Variants in SHROOM3 observed in about 807,000 individuals in gnomAD.
SHROOM3 encodes the protein protein Shroom3.
SHROOM3 carries 47 observed loss-of-function variants against 138.6 expected under a neutral mutation model. That is an observed-to-expected ratio of 0.34 (90% CI 0.27 to 0.43). The LOEUF is 0.43. Ranked by LOEUF, SHROOM3 falls within the 20% of genes least tolerant of loss-of-function variation. The pLI, the probability that SHROOM3 is intolerant of heterozygous loss-of-function variation, is 1.00. For missense variants in SHROOM3, 2,491 were observed against 2,596.5 expected (o/e 0.96, Z 0.88); for synonymous variants, 1,062 against 1,063.3 (o/e 1.00, Z 0.02).
chr4:76,617,088 C>T (rs1352670292), intron 2 of SHROOM3, among the ~76,000 whole-genome samples: 1 of 152,186 alleles, frequency 6.6e-6, no homozygotes, highest in East Asian at 1.9e-4. Flanking sequence ...GCTAATGGTG[C>T]GGGTGAAGAG....
At chr4:76,460,988 C>T (rs1268416813) in intron 1 of SHROOM3, among the ~76,000 whole-genome samples, 2 of 150,360 alleles carry the variant, frequency 1.3e-5, no homozygotes, top group Admixed American at 6.7e-5. Flanking sequence ...GGAGTGAGAC[C>T]CTGTTTCGAA....
intron 2 of SHROOM3, among the ~76,000 whole-genome samples, chr4:76,646,185 G>A (rs1735810261): frequency 1.5e-5 from 2 of 135,444 alleles, no homozygotes; most frequent in Non-Finnish European, 1.6e-5. Flanking sequence ...AAACCTGCAT[G>A]TTGTGCACAT....
rs535259874 is a variant in SHROOM3 at position 76,482,181 on chromosome 4, AG to A, written c.168+45964del. 8.1e-4 allele frequency among the ~76,000 whole-genome samples: 124 copies of A among 152,304 alleles called. No homozygotes were observed. The Middle Eastern group carries it at 0.014, about 17-fold the overall frequency. On this transcript the variant is annotated intron_variant, in intron 1 of 10. Transcript: ENST00000296043. Reference sequence around the variant, plus strand: ...GCAATCAGGCAAGAGAAAGAAATAAAGGGTATTCAAATAAGAAGAGAGGAAG... The same window carrying A: ...GCAATCAGGCAAGAGAAAGAAATAAAGGTATTCAAATAAGAAGAGAGGAAG...
intron 2 of SHROOM3, among the ~76,000 whole-genome samples, chr4:76,651,078 G>A (rs1470207213): frequency 1.3e-5 from 2 of 148,788 alleles, no homozygotes; most frequent in East Asian, 2.1e-4. Context: ...TTTAAAAATC[G>A]AAACAATTGA....
intron 2 of SHROOM3, among the ~76,000 whole-genome samples, chr4:76,608,537 TA>T (rs1734671799): frequency 9.6e-5 from 2 of 20,736 alleles, no homozygotes; most frequent in East Asian, 1.9e-3. Flanking sequence ...TGGCATAGCA[TA>T]GCATAGCATA....
chr4:76,525,175 A>T (rs1732663434), intron 1 of SHROOM3, among the ~76,000 whole-genome samples: 1 of 152,148 alleles, frequency 6.6e-6, no homozygotes. Context: ...GGTTTAATTG[A>T]CTCACAGTTC....
chr4:76,577,148 A>G (rs1733955856), intron 2 of SHROOM3, among the ~76,000 whole-genome samples: 1 of 152,232 alleles, frequency 6.6e-6, no homozygotes, highest in East Asian at 1.9e-4. Context: ...CTAGCGTTCC[A>G]AAAGGGTAAT....
At position 76,739,294 on chromosome 4, in the gene SHROOM3, A is replaced by T; in HGVS notation, c.1121A>T (p.Asp374Val). Residue 374 changes from aspartate (D) to valine (V), a missense_variant, in exon 5 of 11, where the codon GAC becomes GTC. Asp to Val is a radical substitution (Grantham distance 152). Around this residue, in one of 4 missense-constraint regions of SHROOM3, gnomAD observed 1,733 missense variants for 1,661.6 expected, o/e 1.04. Coordinates refer to ENST00000296043, the MANE Select transcript of SHROOM3 (RefSeq NM_020859.4). ...QCPSSLETAT[D>V]NLPPKVGAPL... ...CCCAGTTCCTTGGAGACTGCCACGGACAACCTTCCTCCTAAGGTGGGTGCA... is the reference window on the plus strand; with the variant it reads ...CCCAGTTCCTTGGAGACTGCCACGGTCAACCTTCCTCCTAAGGTGGGTGCA... 6.2e-7 allele frequency: 1 copy of T among 1,614,030 alleles called. No homozygotes were observed. The highest frequency in any genetic ancestry group is 1.1e-5 in the South Asian group (1 of 91,076).
At chr4:76,775,490 T>C (rs921603121) in intron 10 of SHROOM3, among the ~76,000 whole-genome samples, 1 of 152,016 alleles carries the variant, frequency 6.6e-6, no homozygotes, top group African/African-American at 2.4e-5. Flanking sequence ...AGTATGGAGA[T>C]TCCTTAAAGA....
At chr4:76,665,936 A>T (rs929446810) in intron 2 of SHROOM3, among the ~76,000 whole-genome samples, 1 of 152,156 alleles carries the variant, frequency 6.6e-6, no homozygotes, top group Non-Finnish European at 1.5e-5. Flanking sequence ...GGTAAGTTCC[A>T]CTGCATCAGT....
Position 76,782,500 on chromosome 4 carries a change from C to A in SHROOM3, c.*3323C>A, listed in dbSNP as rs775811491. 1 of 152,194 alleles carries A rather than the reference C, an allele frequency of 6.6e-6. No individual in the cohort carries two copies. The highest frequency in any genetic ancestry group is 1.5e-5 in the Non-Finnish European group (1 of 68,042). The allele number at this position is 152,194 out of a possible 1,614,324, so 9.4% of individuals were successfully genotyped here. A position where few individuals can be genotyped will look rare whatever the true frequency, so the allele number is the denominator to read the frequency against. ...AAATGGTAAATATATGCTTTAAGCT[C>A]TACCTTTAAACTTGTATGTTATTCA... On this transcript the variant is annotated 3_prime_UTR_variant, in exon 11 of 11. Transcript: ENST00000296043.
chr4:76,684,493 A>G (rs1383253026), intron 2 of SHROOM3, among the ~76,000 whole-genome samples: 1 of 152,372 alleles, frequency 6.6e-6, no homozygotes, highest in East Asian at 1.9e-4. Context: ...CTGCTGTGCT[A>G]ACATACTTTG....
At chr4:76,471,113 A>G (rs1478653701) in intron 1 of SHROOM3, among the ~76,000 whole-genome samples, 1 of 152,170 alleles carries the variant, frequency 6.6e-6, no homozygotes, top group Admixed American at 6.5e-5. Flanking sequence ...ACCAAAAAAC[A>G]ACAGGTAAAT....
intron 2 of SHROOM3, 81 bp downstream of exon 2, chr4:76,555,844 A>G: frequency 6.6e-7 from 1 of 1,511,894 alleles, no homozygotes; most frequent in Non-Finnish European, 9.0e-7. Flanking sequence ...CTGGGAAAAG[A>G]GCTCGGGGTT....
chr4:76,744,146 T>G (rs1002514286), intron 5 of SHROOM3, among the ~76,000 whole-genome samples: 1 of 152,224 alleles, frequency 6.6e-6, no homozygotes, highest in Non-Finnish European at 1.5e-5. Context: ...GTGAAGAGAT[T>G]CCTCCAAATC....
rs752488435 is a variant in SHROOM3 at position 76,468,898 on chromosome 4, G to A, written c.168+32678G>A. Among the ~76,000 whole-genome samples the A allele has an allele frequency of 1.7e-3, 258 of 152,184 alleles. 4 individuals are homozygous for A. The highest frequency in any genetic ancestry group is 7.4e-4 in the Non-Finnish European group (50 of 68,016). ...TACAAAAAAAAATTAGCCAGGCGTG[G>A]TGGCAGGCGACTGTAGTCCCAGCTA... is the stretch of plus-strand genomic sequence containing the variant. On this transcript the variant is annotated intron_variant, in intron 1 of 10. Transcript: ENST00000296043.
chr4:76,636,216 CTTTGT>C (rs568041984), intron 2 of SHROOM3, among the ~76,000 whole-genome samples: 2 of 152,194 alleles, frequency 1.3e-5, no homozygotes, highest in South Asian at 4.1e-4. Context: ...TTCTTCATTA[CTTTGT>C]TTTAATTGCC....
intron 2 of SHROOM3, among the ~76,000 whole-genome samples, chr4:76,666,903 T>C (rs1718707462): frequency 6.6e-6 from 1 of 152,192 alleles, no homozygotes; most frequent in Non-Finnish European, 1.5e-5. Context: ...TAAAAAGGAA[T>C]GAAATCCTGT....
chr4:76,647,965 T>C (rs1000530715), intron 2 of SHROOM3, among the ~76,000 whole-genome samples: 1 of 152,184 alleles, frequency 6.6e-6, no homozygotes, highest in Admixed American at 6.5e-5. Context: ...TCGTAGTATC[T>C]TTCTTACATA....
Sources: allele counts gnomAD v4.1 joint callset (sites outside exome capture counted in the v4.1 genomes callset), GRCh38; gene constraint gnomAD v4.1.1; regional missense constraint gnomAD v4.1.1; transcripts MANE v1.5; gene names NCBI Gene and HGNC (gene_info 2026-07-23, HGNC 2026-07-21).